NVL: variants seen among roughly 807,000 people sequenced by gnomAD.
The protein encoded by NVL is nuclear valosin-containing protein-like.
NVL carries 84 observed loss-of-function variants against 110.2 expected under a neutral mutation model. The observed-to-expected ratio is 0.76, with a 90% confidence interval of 0.64 to 0.91. NVL has a LOEUF of 0.91. Ranked by LOEUF, NVL falls within the 40% of genes least tolerant of loss-of-function variation. The pLI, the probability that NVL is intolerant of heterozygous loss-of-function variation, is 0.00. For missense variants in NVL, 882 were observed against 1,035.9 expected (o/e 0.85, Z 2.04); for synonymous variants, 354 against 361.1 (o/e 0.98, Z 0.22).
At chr1:224,267,980 G>A (rs2102820662) in intron 18 of NVL, 54 bp downstream of exon 18, 14 of 1,215,540 alleles carry the variant, frequency 1.2e-5, no homozygotes, top group Non-Finnish European at 1.2e-5. Flanking sequence ...TCTCTTCTAC[G>A]GAAATGCTGT....
intron 16 of NVL, among the ~76,000 whole-genome samples, chr1:224,278,940 C>A (rs1666046588): frequency 6.6e-6 from 1 of 152,012 alleles, no homozygotes; most frequent in Non-Finnish European, 1.5e-5. Flanking sequence ...GTTGCCCATG[C>A]TGGTCTCAAA....
intron 19 of NVL, among the ~76,000 whole-genome samples, chr1:224,248,306 T>C (rs1558251491): frequency 6.6e-6 from 1 of 152,228 alleles, no homozygotes; most frequent in Non-Finnish European, 1.5e-5. Context: ...AATGCCTTAG[T>C]TCGTTATTTT....
chr1:224,306,847 G>A (rs1048425932), intron 6 of NVL, among the ~76,000 whole-genome samples: 2 of 152,092 alleles, frequency 1.3e-5, no homozygotes, highest in Non-Finnish European at 2.9e-5. Context: ...ACCAAAAAAA[G>A]TATTTCAGCA....
intron 17 of NVL, among the ~76,000 whole-genome samples, chr1:224,274,927 AGGTTTT>A (rs1263586762): frequency 4.6e-5 from 7 of 152,098 alleles, no homozygotes; most frequent in African/African-American, 1.7e-4. Context: ...TTAAGAGAAA[AGGTTTT>A]GGGTCTTAAA....
chr1:224,296,462 A>T, intron 11 of NVL, 39 bp downstream of exon 11: 1 of 1,102,362 alleles, frequency 9.1e-7, no homozygotes, highest in Non-Finnish European at 1.3e-6. Flanking sequence ...ATTTTAAAAA[A>T]TTTATTCTCT....
intron 22 of NVL, among the ~76,000 whole-genome samples, chr1:224,229,300 A>C (rs1218147713): frequency 6.6e-6 from 1 of 151,618 alleles, no homozygotes; most frequent in East Asian, 1.9e-4. Context: ...CTGTCTCAAA[A>C]AAATAAATAA....
chr1:224,317,845 T>C, intron 3 of NVL, 33 bp downstream of exon 3: 2 of 1,522,346 alleles, frequency 1.3e-6, no homozygotes, highest in Non-Finnish European at 1.8e-6. Flanking sequence ...TGTATAACTT[T>C]ATTGATAATT....
rs773938877 is a variant in NVL at position 224,300,521 on chromosome 1, G to T, written c.1062+41C>A. On this transcript the variant is annotated intron_variant, in intron 10 of 22. Transcript: ENST00000281701. Reference sequence around the variant, plus strand: ...AAAGCAGGATCTTTAATATAAGCTGGTAGCGTCTGACCACCTGGCATTAGT... The same window carrying T: ...AAAGCAGGATCTTTAATATAAGCTGTTAGCGTCTGACCACCTGGCATTAGT... 9 of 1,418,508 alleles carry T rather than the reference G, an allele frequency of 6.3e-6. No individual in the cohort carries two copies. The South Asian group carries it at 7.2e-5, about 11-fold the overall frequency. 87.9% of individuals were successfully genotyped at this position (1,418,508 alleles called of 1,614,324 possible).
intron 19 of NVL, among the ~76,000 whole-genome samples, chr1:224,240,778 CTG>C (rs1661097103): frequency 1.4e-5 from 2 of 145,570 alleles, no homozygotes; most frequent in Non-Finnish European, 3.0e-5. Context: ...AAGTAACAAA[CTG>C]TCCTTTTTTT....
At chr1:224,237,983 A>AG (rs1331338736) in intron 19 of NVL, among the ~76,000 whole-genome samples, 2 of 150,194 alleles carry the variant, frequency 1.3e-5, no homozygotes, top group African/African-American at 4.9e-5. Context: ...AAAAAAAAAA[A>AG]AAGAAGAAAC....
chr1:224,314,868 G>A (rs146331556), intron 4 of NVL, among the ~76,000 whole-genome samples: 18 of 151,964 alleles, frequency 1.2e-4, no homozygotes, highest in East Asian at 3.9e-4. Context: ...AAAATTAGCC[G>A]GGCATGGTGG....
chr1:224,319,198 A>G (rs1212085305), intron 2 of NVL, among the ~76,000 whole-genome samples: 1 of 151,610 alleles, frequency 6.6e-6, no homozygotes, highest in Non-Finnish European at 1.5e-5. Flanking sequence ...TAGCTACAAT[A>G]CAATTAGCAC....
At chr1:224,303,345 G>C (rs893197088) in intron 9 of NVL, among the ~76,000 whole-genome samples, 4 of 151,678 alleles carry the variant, frequency 2.6e-5, no homozygotes, top group Non-Finnish European at 5.9e-5. Context: ...TGAGGCAGGA[G>C]AATTGCTTGA....
chr1:224,232,536 T>C (rs551492123), intron 21 of NVL, among the ~76,000 whole-genome samples: 95 of 152,174 alleles, frequency 6.2e-4, no homozygotes, highest in African/African-American at 2.2e-3. Flanking sequence ...ATTTTTAAAT[T>C]TTTTATAGAG....
At chr1:224,286,215 G>T (rs1051125786) in intron 14 of NVL, 85 bp from the exon 15 acceptor site, 65 of 734,742 alleles carry the variant, frequency 8.8e-5, no homozygotes, top group South Asian at 1.5e-4. Flanking sequence ...ATATTTTATG[G>T]TTTTTTTTTT....
chr1:224,326,390 C>A lies in NVL; in HGVS notation c.131+1G>T. 2 of 1,604,626 alleles carry A rather than the reference C, an allele frequency of 1.2e-6. No individual in the cohort carries two copies. Among genetic ancestry groups the A allele is most frequent in the Non-Finnish European group, 1.7e-6 (2 of 1,173,394 alleles). ...AGGATCCGGAAACTATATTTATTTA[C>A]CTGTACACTCTTTGTAAATCAGACG... On this transcript the variant is annotated splice_donor_variant, in intron 2 of 22. Transcript: ENST00000281701. LOFTEE classifies it high-confidence loss of function.
chr1:224,256,257 A>G (rs1011637923), intron 18 of NVL, among the ~76,000 whole-genome samples: 2 of 151,938 alleles, frequency 1.3e-5, no homozygotes, highest in South Asian at 2.1e-4. Flanking sequence ...AAACTCCATA[A>G]CTACTGAAAA....
chr1:224,309,271 T>C (rs1418755879), intron 5 of NVL, among the ~76,000 whole-genome samples: 2 of 152,138 alleles, frequency 1.3e-5, no homozygotes, highest in Non-Finnish European at 2.9e-5. Context: ...GTAATCCTAA[T>C]GCTTTCGGAG....
chr1:224,289,613 T>G lies in NVL; in HGVS notation c.1446A>C (p.Ala482=), dbSNP rs771073055. ...TTAAGACTCTATTGACTGCACACAT[T>G]GCTGCCTCTCGGCACAGTGCCATGA... is the stretch of plus-strand genomic sequence containing the variant. ...ADLMALCREA[A]MCAVNRVLMK... The change falls in exon 13 of 23, where the codon GCA becomes GCC. Residue 482 remains alanine, a synonymous_variant. Coordinates refer to ENST00000281701, the MANE Select transcript of NVL (RefSeq NM_002533.4). The G allele has an allele frequency of 3.1e-6, 5 of 1,614,156 alleles. No homozygotes were observed. Among genetic ancestry groups the G allele is most frequent in the Non-Finnish European group, 4.2e-6 (5 of 1,180,058 alleles).
Sources: gnomAD v4.1 joint callset for allele counts (sites outside exome capture counted in the v4.1 genomes callset) on GRCh38, gnomAD v4.1.1 for gene constraint, MANE v1.5 for transcripts, NCBI Gene and HGNC (gene_info 2026-07-23, HGNC 2026-07-21) for gene names.